The following CUL3 variants were observed in gnomAD, a reference collection of about 807,000 sequenced individuals.
CUL3 encodes the protein cullin-3.
In CUL3, 19 loss-of-function variants were observed where a neutral mutation model predicts 89.1. The observed-to-expected ratio is 0.21, with a 90% confidence interval of 0.15 to 0.31. The LOEUF (loss-of-function observed/expected upper bound fraction) is 0.31, where lower values mean the gene tolerates loss of function less well. Among genes scored for constraint, CUL3 ranks in the 10% least tolerant of loss-of-function variants. The pLI is 1.00. For missense variants in CUL3, 469 were observed against 942.3 expected (o/e 0.50, Z 6.58); for synonymous variants, 351 against 308.4 (o/e 1.14, Z -1.45).
chr2:224,510,721 T>C (rs1412112677), intron 6 of CUL3, among the ~76,000 whole-genome samples: 1 of 152,222 alleles, frequency 6.6e-6, no homozygotes, highest in African/African-American at 2.4e-5. Flanking sequence ...TCTAGGATAC[T>C]TGTCACAATT....
intron 3 of CUL3, among the ~76,000 whole-genome samples, chr2:224,530,724 T>A (rs1324823972): frequency 6.6e-6 from 1 of 152,058 alleles, no homozygotes; most frequent in Non-Finnish European, 1.5e-5. Flanking sequence ...CTGGCCAACA[T>A]GGCGAAACCC....
chr2:224,476,030 G>GTT (rs36057054), intron 15 of CUL3, among the ~76,000 whole-genome samples: 5 of 147,634 alleles, frequency 3.4e-5, no homozygotes, highest in Non-Finnish European at 6.0e-5. Flanking sequence ...TTTTTTATTA[G>GTT]TTTTTTTTTT....
intron 2 of CUL3, among the ~76,000 whole-genome samples, chr2:224,552,602 T>G (rs779408220): frequency 1.3e-4 from 20 of 152,222 alleles, no homozygotes; most frequent in Middle Eastern, 3.2e-3. Flanking sequence ...TTGCGCTACT[T>G]TACCAAAATG....
chr2:224,583,644 A>C (rs531550768), intron 1 of CUL3, among the ~76,000 whole-genome samples: 43 of 152,346 alleles, frequency 2.8e-4, no homozygotes, highest in African/African-American at 1.0e-3. Flanking sequence ...TATTTACACA[A>C]AGCAGAGGTT....
intron 3 of CUL3, among the ~76,000 whole-genome samples, chr2:224,520,163 C>G (rs1559166829): frequency 6.6e-6 from 1 of 152,182 alleles, no homozygotes; most frequent in African/African-American, 2.4e-5. Flanking sequence ...TAATGTGAGT[C>G]AAGCATTATG....
chr2:224,535,660 A>G lies in CUL3; in HGVS notation c.265-19T>C. The G allele has an allele frequency of 1.3e-6, 2 of 1,507,356 alleles. No individual in the cohort carries two copies. Among genetic ancestry groups the G allele is most frequent in the Middle Eastern group, 3.4e-4 (2 of 5,842 alleles). The allele number at this position is 1,507,356 out of a possible 1,614,324, so 93.4% of individuals were successfully genotyped here. A position where few individuals can be genotyped will look rare whatever the true frequency, so the allele number is the denominator to read the frequency against. ...CTCGCACCTAGTAACAGAAGAGTTC[A>G]TTAGTTTGCACACACACATCCACAC... On this transcript the variant is annotated intron_variant, in intron 2 of 15. Coordinates refer to ENST00000264414, the MANE Select transcript of CUL3 (RefSeq NM_003590.5).
chr2:224,484,475 C>T (rs1691645317), intron 13 of CUL3, among the ~76,000 whole-genome samples: 1 of 151,994 alleles, frequency 6.6e-6, no homozygotes, highest in African/African-American at 2.4e-5. Flanking sequence ...TTTACTGATG[C>T]TCTTTATAGA....
Position 224,482,085 on chromosome 2 carries a change from T to G in CUL3, c.1843-7A>C, listed in dbSNP as rs773727002. 5 of 1,586,164 alleles carry G rather than the reference T, an allele frequency of 3.2e-6. No individual in the cohort carries two copies. The highest frequency in any genetic ancestry group is 4.3e-6 in the Non-Finnish European group (5 of 1,170,238). On this transcript the variant is annotated splice_region_variant and splice_polypyrimidine_tract_variant and intron_variant, in intron 13 of 15. Coordinates refer to ENST00000264414, the MANE Select transcript of CUL3 (RefSeq NM_003590.5). Reference sequence around the variant, plus strand: ...CTGTCTCTTGCTGAATTTCCTGAAATTTCATCAGATTAACATAATTAGACT... The same window carrying G: ...CTGTCTCTTGCTGAATTTCCTGAAAGTTCATCAGATTAACATAATTAGACT...
chr2:224,499,403 A>G, intron 11 of CUL3: 1 of 240,264 alleles, frequency 4.2e-6, no homozygotes, highest in Non-Finnish European at 9.3e-6. Context: ...GAATTTGTAC[A>G]GTGCCTTCCA....
chr2:224,478,951 T>C (rs1201794221), intron 14 of CUL3: 1 of 152,324 alleles, frequency 6.6e-6, no homozygotes, highest in Non-Finnish European at 1.5e-5. Context: ...ATGCTTTTTA[T>C]GTCACAACCT....
intron 15 of CUL3, among the ~76,000 whole-genome samples, chr2:224,477,124 CTG>C (rs368927432): frequency 2.1e-5 from 2 of 97,454 alleles, no homozygotes; most frequent in African/African-American, 8.3e-5. Flanking sequence ...TCATAGGACA[CTG>C]TCATTTTGTT....
At chr2:224,492,476 TAAAA>T (rs879558081) in intron 13 of CUL3, among the ~76,000 whole-genome samples, 2 of 152,124 alleles carry the variant, frequency 1.3e-5, no homozygotes, top group Non-Finnish European at 2.9e-5. Context: ...CATAAAATTA[TAAAA>T]AATAAAGAAC....
At chr2:224,518,710 T>C (rs1038496468) in intron 3 of CUL3, among the ~76,000 whole-genome samples, 3 of 152,126 alleles carry the variant, frequency 2.0e-5, no homozygotes, top group Non-Finnish European at 2.9e-5. Context: ...GTAAAGATAA[T>C]CTCTAAAACA....
Position 224,505,978 on chromosome 2 carries a change from T to C in CUL3, c.1184A>G (p.Lys395Arg), listed in dbSNP as rs1203393575. The C allele has an allele frequency of 1.2e-6, 2 of 1,600,636 alleles. No homozygotes were observed. Among genetic ancestry groups the C allele is most frequent in the African/African-American group, 1.3e-5 (1 of 74,794 alleles). The change falls in exon 8 of 16, where the codon AAG (lysine) becomes AGG (arginine). Residue 395 changes from lysine (K) to arginine (R), a missense_variant. This residue lies in a region of CUL3 where 370 missense variants were observed against 733.2 expected (regional missense o/e 0.50). Coordinates refer to ENST00000264414, the MANE Select transcript of CUL3 (RefSeq NM_003590.5). The stretch of plus-strand genomic sequence containing the variant: ...TACCCCTTTGACTCCCTTTTTCAGC[T>C]TATCATCAATAAATAATGAGAGGTA... ...PEYLSLFIDD[K>R]LKKGVKGLTE...
intron 2 of CUL3, among the ~76,000 whole-genome samples, chr2:224,538,927 G>A (rs1693988952): frequency 1.3e-5 from 2 of 152,108 alleles, no homozygotes; most frequent in Non-Finnish European, 1.5e-5. Context: ...AGCTACTCAC[G>A]AGGCTGAGGG....
intron 15 of CUL3, among the ~76,000 whole-genome samples, chr2:224,476,201 A>T (rs962593152): frequency 9.2e-5 from 14 of 151,978 alleles, no homozygotes; most frequent in African/African-American, 3.4e-4. Context: ...TATTTTCAGT[A>T]GGACGGGGTT....
At chr2:224,536,866 C>G (rs1459351123) in intron 2 of CUL3, among the ~76,000 whole-genome samples, 2 of 152,236 alleles carry the variant, frequency 1.3e-5, no homozygotes, top group African/African-American at 4.8e-5. Flanking sequence ...TGTTTTATCA[C>G]AAAGTCGTCG....
intron 3 of CUL3, among the ~76,000 whole-genome samples, chr2:224,528,533 T>A (rs538284119): frequency 1.9e-4 from 29 of 150,064 alleles, no homozygotes; most frequent in African/African-American, 5.9e-4. Context: ...ATTTCGGGAT[T>A]AGGGGGCTGG....
At chr2:224,576,678 T>TG (rs1466671641) in intron 1 of CUL3, among the ~76,000 whole-genome samples, 2 of 33,102 alleles carry the variant, frequency 6.0e-5, no homozygotes, top group Non-Finnish European at 4.8e-5. Flanking sequence ...AGTTCAGGAG[T>TG]GAAAAAAAAG....
Sources: gnomAD v4.1 joint callset for allele counts (sites outside exome capture counted in the v4.1 genomes callset) on GRCh38, gnomAD v4.1.1 for gene constraint, gnomAD v4.1.1 regional missense constraint, MANE v1.5 for transcripts, NCBI Gene and HGNC (gene_info 2026-07-23, HGNC 2026-07-21) for gene names.